Variants in ERICH6 observed in about 807,000 individuals in gnomAD.
The protein encoded by ERICH6 is glutamate-rich protein 6.
In ERICH6, 71 loss-of-function variants were observed where a neutral mutation model predicts 71.0. The observed-to-expected ratio is 1.00, with a 90% CI of 0.83 to 1.22. The LOEUF is 1.22. Among genes scored for constraint, ERICH6 ranks in the 50% most tolerant of loss-of-function variants. The probability of loss-of-function intolerance (pLI) is 0.00; values close to 1 mark genes in which losing one functional copy is unlikely to be tolerated. For synonymous variants in ERICH6, 262 were observed against 278.4 expected, an observed-to-expected ratio of 0.94 and a Z score of 0.59; for missense variants, 808 against 797.2, an observed-to-expected ratio of 1.01 and a Z score of -0.16.
chr3:150,661,185 A>T (rs1250375430), intron 13 of ERICH6, among the ~76,000 whole-genome samples: 1 of 152,204 alleles, frequency 6.6e-6, no homozygotes, highest in Admixed American at 6.5e-5. Context: ...TATAGAGAGA[A>T]ATGACGAAAT....
At chr3:150,702,299 C>T (rs1712911871) in intron 1 of ERICH6, 121 bp from the exon 2 acceptor site, 10 of 470,474 alleles carry the variant, frequency 2.1e-5, no homozygotes, top group Non-Finnish European at 2.9e-5. Context: ...TTTTTTGAGA[C>T]GGAGTCTCGC....
intron 13 of ERICH6, 112 bp downstream of exon 13, chr3:150,666,675 G>A (rs2108040580): frequency 1.1e-6 from 1 of 916,740 alleles, no homozygotes; most frequent in Non-Finnish European, 1.6e-6. Context: ...CAAAATCCTA[G>A]TGGACAGTAG....
intron 11 of ERICH6, among the ~76,000 whole-genome samples, chr3:150,673,148 TCCTC>T (rs552934680): frequency 1.3e-5 from 2 of 148,562 alleles, no homozygotes; most frequent in Middle Eastern, 3.3e-3. Context: ...CTTCCTTCCT[TCCTC>T]CCTCCCTTCC....
rs11919896 is a variant in ERICH6, at chr3:150,674,002, C to T, written c.1297G>A (p.Gly433Arg). Residue 433 changes from glycine (G) to arginine (R), a missense_variant, in exon 11 of 14, where the codon GGG (glycine) becomes AGG (arginine). Gly to Arg is a moderately radical substitution (Grantham distance 125). Around this residue, in one of 3 missense-constraint regions of ERICH6, gnomAD observed 736 missense variants for 712.2 expected, o/e 1.03. Transcript: ENST00000295910. ...NELLEKHYKH[G>R]SKFLTSFPDG... ...GGAAATGAAGTCAGAAACTTGCTCC[C>T]ATGTTTGTAGTGCTTCTCTAAGAGC... 6,700 of 1,614,086 alleles carry T rather than the reference C, an allele frequency of 4.2e-3. 223 individuals carry two copies. The African/African-American group carries it at 0.075, about 18-fold the overall frequency.
intron 11 of ERICH6, among the ~76,000 whole-genome samples, chr3:150,673,385 C>T (rs1033340469): frequency 3.3e-5 from 5 of 151,998 alleles, no homozygotes; most frequent in Non-Finnish European, 7.4e-5. Flanking sequence ...GATGAGCTCT[C>T]ACTATGCTGC....
intron 9 of ERICH6, among the ~76,000 whole-genome samples, chr3:150,679,955 G>A (rs532049418): frequency 2.0e-5 from 3 of 152,202 alleles, no homozygotes; most frequent in Non-Finnish European, 2.9e-5. Context: ...ACCGCGCCCA[G>A]CCAAGTTGAC....
intron 13 of ERICH6, among the ~76,000 whole-genome samples, chr3:150,662,168 A>G (rs746892368): frequency 2.6e-5 from 4 of 152,210 alleles, no homozygotes; most frequent in Non-Finnish European, 5.9e-5. Flanking sequence ...CAAAACCCTC[A>G]CTAATACACT....
Position 150,666,953 on chromosome 3 carries a change from C to T in ERICH6, c.1562G>A (p.Trp521Ter), listed in dbSNP as rs1727441456. 6.2e-7 allele frequency: 1 copy of T among 1,613,960 alleles called. No individual in the cohort carries two copies. Among genetic ancestry groups the T allele is most frequent in the Non-Finnish European group, 8.5e-7 (1 of 1,180,024 alleles). The change falls in exon 13 of 14, where the codon TGG (tryptophan) becomes TAG (stop). Residue 521 changes from tryptophan (W) to a stop codon, truncating the protein, a stop_gained. Coordinates refer to ENST00000295910, the MANE Select transcript of ERICH6 (RefSeq NM_152394.5). LOFTEE classifies it high-confidence loss of function. ...SDQAGNRIRA[W>*]NWSNSITSSP... ...GGAAGTGATGGAATTTGACCAATTC[C>T]AAGCCCTTATTCTGTTGCCGGCTTG... is the stretch of plus-strand genomic sequence containing the variant.
intron 10 of ERICH6, among the ~76,000 whole-genome samples, chr3:150,676,185 G>T (rs1416811762): frequency 6.6e-6 from 1 of 151,506 alleles, no homozygotes; most frequent in African/African-American, 2.4e-5. Context: ...TTCTTCCTGG[G>T]CAGTAGTTCT....
intron 10 of ERICH6, among the ~76,000 whole-genome samples, chr3:150,675,943 C>CTCAT (rs1711636651): frequency 7.1e-6 from 1 of 141,508 alleles, no homozygotes; most frequent in African/African-American, 2.6e-5. Context: ...TGCTTGAGAT[C>CTCAT]ACTGGGATTC....
intron 13 of ERICH6, 126 bp from the exon 14 acceptor site, chr3:150,660,281 C>T (rs904088989): frequency 5.4e-5 from 57 of 1,051,048 alleles, no homozygotes; most frequent in East Asian, 4.6e-4. Flanking sequence ...CTAATTCATC[C>T]GTAAGCAGGG....
chr3:150,679,485 G>A (rs1306357000), intron 9 of ERICH6, among the ~76,000 whole-genome samples: 1 of 152,096 alleles, frequency 6.6e-6, no homozygotes, highest in East Asian at 1.9e-4. Context: ...TAGAGGAGGA[G>A]GCTTATGCCC....
chr3:150,695,557 A>G (rs1425469474), intron 3 of ERICH6, among the ~76,000 whole-genome samples: 1 of 151,808 alleles, frequency 6.6e-6, no homozygotes, highest in African/African-American at 2.4e-5. Flanking sequence ...AATCCCAGCT[A>G]CTCGGGAAGC....
At position 150,682,298 on chromosome 3, in the gene ERICH6, ATG is replaced by A; in HGVS notation, c.800_801del (p.Thr267IlefsTer5). 6.2e-7 allele frequency: 1 copy of A among 1,613,366 alleles called. No homozygotes were observed. Among genetic ancestry groups the A allele is most frequent in the Admixed American group, 1.7e-5 (1 of 60,020 alleles). ...CTGCCACAAAATTCACATTTGGGTG[ATG>A]TCTCCTCCTCTTCATCCTTCAGAGA... ...GINFKDEEEE[T>X]SPKCEFCGSD... On this transcript the variant is annotated frameshift_variant, in exon 7 of 14. Coordinates refer to ENST00000295910, the MANE Select transcript of ERICH6 (RefSeq NM_152394.5). LOFTEE classifies it high-confidence loss of function.
intron 3 of ERICH6, among the ~76,000 whole-genome samples, chr3:150,693,432 T>C (rs910404877): frequency 6.6e-6 from 1 of 152,140 alleles, no homozygotes; most frequent in Non-Finnish European, 1.5e-5. Flanking sequence ...GTAAAGAATG[T>C]CACTTTCTGA....
intron 7 of ERICH6, 151 bp downstream of exon 7, chr3:150,682,067 G>A (rs376636385): frequency 1.5e-4 from 93 of 639,550 alleles, no homozygotes; most frequent in African/African-American, 9.4e-4. Flanking sequence ...CACCCACCTC[G>A]GCCTCCCGAA....
intron 2 of ERICH6, 75 bp from the exon 3 acceptor site, chr3:150,698,957 T>A (rs1040685477): frequency 3.0e-5 from 25 of 835,084 alleles, no homozygotes; most frequent in Middle Eastern, 6.4e-4. Flanking sequence ...GAACATTTAA[T>A]AATCAATTAA....
rs562075749 is a variant in ERICH6, at chr3:150,693,868, A to AT, written c.553+4922dup. Reference sequence around the variant, plus strand: ...ACAAATCTTCAAAATAATGTTTTCAATTTTTTTTCCTTCTTTCTTCCCCCA... The same window carrying AT: ...ACAAATCTTCAAAATAATGTTTTCAATTTTTTTTTCCTTCTTTCTTCCCCCA... On this transcript the variant is annotated intron_variant, in intron 3 of 13. Transcript: ENST00000295910. 7.5e-3 allele frequency among the ~76,000 whole-genome samples: 1,145 copies of AT among 152,044 alleles called. 16 individuals are homozygous for AT. The highest frequency in any genetic ancestry group is 0.026 in the African/African-American group (1,076 of 41,464).
chr3:150,687,675 A>C (rs748015917), intron 3 of ERICH6, among the ~76,000 whole-genome samples: 21 of 152,212 alleles, frequency 1.4e-4, no homozygotes, highest in Non-Finnish European at 2.5e-4. Flanking sequence ...AGAAGCTTTA[A>C]AGCACATAGG....
Sources: gnomAD v4.1 joint callset for allele counts (sites outside exome capture counted in the v4.1 genomes callset) on GRCh38, gnomAD v4.1.1 for gene constraint, gnomAD v4.1.1 regional missense constraint, MANE v1.5 for transcripts, NCBI Gene and HGNC (gene_info 2026-07-23, HGNC 2026-07-21) for gene names.